Variants in LUZP2 observed in about 807,000 individuals in gnomAD.
LUZP2 encodes the protein leucine zipper protein 2.
Under a neutral mutation model 51.6 loss-of-function variants are expected in LUZP2, and 52 were observed. That is an observed-to-expected ratio of 1.01 (90% confidence interval 0.81 to 1.27). LUZP2 has a LOEUF of 1.27. LUZP2 is among the 50% of genes most tolerant of loss of function. LUZP2 has a pLI of 0.00. For missense variants in LUZP2, 436 were observed against 395.4 expected (o/e 1.10, Z -0.87); for synonymous variants, 154 against 137.3 (o/e 1.12, Z -0.85).
intron 1 of LUZP2, among the ~76,000 whole-genome samples, chr11:24,538,975 G>T (rs937691761): frequency 6.6e-6 from 1 of 151,746 alleles, no homozygotes. Flanking sequence ...AAAAATGAAT[G>T]TATACAGTAG....
chr11:24,624,568 A>G (rs2133913303), intron 1 of LUZP2, among the ~76,000 whole-genome samples: 1 of 152,322 alleles, frequency 6.6e-6, no homozygotes, highest in South Asian at 2.1e-4. Flanking sequence ...GAGGAAGGAT[A>G]GGGAGATAAG....
At chr11:24,525,777 G>A (rs1850780835) in intron 1 of LUZP2, among the ~76,000 whole-genome samples, 1 of 151,188 alleles carries the variant, frequency 6.6e-6, no homozygotes, top group African/African-American at 2.4e-5. Flanking sequence ...TATTTAAGAA[G>A]GGCCTTTAGG....
At chr11:24,939,498 C>T (rs1226187421) in intron 7 of LUZP2, among the ~76,000 whole-genome samples, 1 of 151,280 alleles carries the variant, frequency 6.6e-6, no homozygotes, top group Non-Finnish European at 1.5e-5. Context: ...TGTATTAGAC[C>T]TTGAAGGCAT....
At chr11:24,797,173 T>G (rs965878542) in intron 5 of LUZP2, among the ~76,000 whole-genome samples, 6 of 152,174 alleles carry the variant, frequency 3.9e-5, no homozygotes, top group Non-Finnish European at 8.8e-5. Context: ...TAATAAGAAC[T>G]GAATAACTGT....
At chr11:24,741,896 T>A (rs1254711099) in intron 4 of LUZP2, among the ~76,000 whole-genome samples, 1 of 137,556 alleles carries the variant, frequency 7.3e-6, no homozygotes, top group Non-Finnish European at 1.5e-5. Context: ...TTTATATACA[T>A]ATATATTTCT....
At chr11:24,887,145 C>G (rs571819149) in intron 5 of LUZP2, among the ~76,000 whole-genome samples, 1 of 152,206 alleles carries the variant, frequency 6.6e-6, no homozygotes, top group South Asian at 2.1e-4. Flanking sequence ...TTGTGTTTTC[C>G]TGGCATCCTG....
At chr11:24,878,672 G>A (rs1034750035) in intron 5 of LUZP2, among the ~76,000 whole-genome samples, 11 of 150,606 alleles carry the variant, frequency 7.3e-5, no homozygotes, top group South Asian at 4.2e-4. Flanking sequence ...TTTCAGTTCC[G>A]GGACACATGT....
chr11:24,680,300 A>G (rs764819485), intron 1 of LUZP2, among the ~76,000 whole-genome samples: 4 of 152,314 alleles, frequency 2.6e-5, no homozygotes, highest in Admixed American at 2.6e-4. Context: ...CTGCTTCTGT[A>G]GCAGCACTAG....
At chr11:24,522,830 T>A (rs1850686243) in intron 1 of LUZP2, among the ~76,000 whole-genome samples, 1 of 152,140 alleles carries the variant, frequency 6.6e-6, no homozygotes, top group African/African-American at 2.4e-5. Flanking sequence ...ATATATTCTA[T>A]AATTACGATT....
chr11:24,510,946 G>A (rs1051384204), intron 1 of LUZP2, among the ~76,000 whole-genome samples: 1 of 151,928 alleles, frequency 6.6e-6, no homozygotes, highest in African/African-American at 2.4e-5. Flanking sequence ...AGGTGGCCAC[G>A]AGAGTTCAAA....
intron 7 of LUZP2, among the ~76,000 whole-genome samples, chr11:24,939,929 C>T (rs533121331): frequency 6.6e-6 from 1 of 152,252 alleles, no homozygotes; most frequent in South Asian, 2.1e-4. Context: ...CTGGGCATGA[C>T]TTATCCTTGC....
chr11:24,606,802 C>A (rs747125491), intron 1 of LUZP2, among the ~76,000 whole-genome samples: 2 of 151,958 alleles, frequency 1.3e-5, no homozygotes, highest in African/African-American at 2.4e-5. Flanking sequence ...CACCTACTTG[C>A]CAAAACTCAT....
intron 4 of LUZP2, among the ~76,000 whole-genome samples, chr11:24,756,407 T>A (rs1159356482): frequency 6.6e-6 from 1 of 152,240 alleles, no homozygotes; most frequent in East Asian, 1.9e-4. Context: ...ATCAACAGTT[T>A]GCATTTCCCT....
At chr11:24,679,184 T>C (rs906710320) in intron 1 of LUZP2, among the ~76,000 whole-genome samples, 5 of 152,192 alleles carry the variant, frequency 3.3e-5, no homozygotes, top group African/African-American at 1.2e-4. Flanking sequence ...CAGTGTCAAA[T>C]AGATAAGAGC....
chr11:24,835,538 G>A (rs748924458), intron 5 of LUZP2, among the ~76,000 whole-genome samples: 26 of 151,934 alleles, frequency 1.7e-4, no homozygotes, highest in Non-Finnish European at 2.9e-4. Flanking sequence ...CAGAAAAGTT[G>A]GATTCTTTAA....
chr11:24,968,544 T>G (rs1437071136), intron 7 of LUZP2, among the ~76,000 whole-genome samples: 1 of 152,148 alleles, frequency 6.6e-6, no homozygotes, highest in Non-Finnish European at 1.5e-5. Context: ...CCTTGAGTTT[T>G]TCTCTTCTCC....
chr11:24,889,604 G>C (rs1852783054), intron 5 of LUZP2, among the ~76,000 whole-genome samples: 1 of 152,164 alleles, frequency 6.6e-6, no homozygotes, highest in Non-Finnish European at 1.5e-5. Flanking sequence ...TGTTTTTGAA[G>C]CATATACCAT....
intron 5 of LUZP2, among the ~76,000 whole-genome samples, chr11:24,778,882 C>T (rs185281987): frequency 3.3e-5 from 5 of 152,266 alleles, no homozygotes; most frequent in African/African-American, 1.2e-4. Flanking sequence ...TCTGTAGAGA[C>T]AATAGCACAC....
At chr11:24,678,070 G>T (rs1169826994) in intron 1 of LUZP2, among the ~76,000 whole-genome samples, 1 of 86,406 alleles carries the variant, frequency 1.2e-5, no homozygotes, top group Non-Finnish European at 2.3e-5. Context: ...GGGAGGAAAG[G>T]AGAAAGGGGG....
Sources: gnomAD v4.1 joint callset for allele counts (sites outside exome capture counted in the v4.1 genomes callset) on GRCh38, gnomAD v4.1.1 for gene constraint, MANE v1.5 for transcripts, NCBI Gene and HGNC (gene_info 2026-07-23, HGNC 2026-07-21) for gene names.